The following UNC5B variants were observed in gnomAD, a reference collection of about 807,000 sequenced individuals.
The protein encoded by UNC5B is unc-5 netrin receptor B.
UNC5B carries 56 observed loss-of-function variants against 103.7 expected under a neutral mutation model. The observed-to-expected ratio is 0.54, with a 90% CI of 0.44 to 0.67. UNC5B has a LOEUF of 0.67. Ranked by LOEUF, UNC5B falls within the 30% of genes least tolerant of loss-of-function variation. UNC5B has a pLI of 0.00. For missense variants in UNC5B, 1,194 were observed against 1,284.5 expected (o/e 0.93, Z 1.08); for synonymous variants, 577 against 542.0 (o/e 1.06, Z -0.90).
chr10:71,234,849 A>G (rs1343923581), intron 1 of UNC5B, among the ~76,000 whole-genome samples: 1 of 152,106 alleles, frequency 6.6e-6, no homozygotes, highest in Non-Finnish European at 1.5e-5. Flanking sequence ...CCTCTGCTCT[A>G]TTTGCAGAGG....
intron 11 of UNC5B, 46 bp from the exon 12 acceptor site, chr10:71,293,359 T>C (rs1845315343): frequency 6.4e-6 from 10 of 1,563,360 alleles, no homozygotes; most frequent in African/African-American, 2.7e-5. Flanking sequence ...CCTGCACCTT[T>C]GCCGAGCTCT....
At chr10:71,288,489 C>T in intron 6 of UNC5B, 79 bp from the exon 7 acceptor site, 1 of 1,531,914 alleles carries the variant, frequency 6.5e-7, no homozygotes, top group Non-Finnish European at 8.8e-7. Flanking sequence ...TGTGTTGGCA[C>T]ATTGCTCTGT....
intron 1 of UNC5B, among the ~76,000 whole-genome samples, chr10:71,270,505 T>C (rs886849584): frequency 8.5e-5 from 13 of 152,084 alleles, no homozygotes; most frequent in African/African-American, 2.9e-4. Flanking sequence ...AGGGTTTCTC[T>C]CTTATGAGAT....
At chr10:71,223,665 C>T (rs1843494413) in intron 1 of UNC5B, among the ~76,000 whole-genome samples, 1 of 152,094 alleles carries the variant, frequency 6.6e-6, no homozygotes. Context: ...AAATTTTGTA[C>T]TTATCTGCAA....
At chr10:71,261,489 C>T (rs1844416183) in intron 1 of UNC5B, among the ~76,000 whole-genome samples, 1 of 152,218 alleles carries the variant, frequency 6.6e-6, no homozygotes, top group East Asian at 1.9e-4. Context: ...CAAATGCTGG[C>T]CCTGACTTCC....
intron 1 of UNC5B, among the ~76,000 whole-genome samples, chr10:71,228,656 A>G (rs1489863988): frequency 6.6e-6 from 1 of 152,274 alleles, no homozygotes; most frequent in African/African-American, 2.4e-5. Context: ...CAACTACAAG[A>G]TACCATTTCT....
rs556997701 is a variant in UNC5B at position 71,247,852 on chromosome 10, T to C, written c.80-31969T>C. Among the ~76,000 whole-genome samples the C allele has an allele frequency of 3.4e-4, 51 of 152,234 alleles. 1 individual carries two copies. In the South Asian group the frequency reaches 0.01, roughly 30 times the overall value. ...ATGTAGGACCCAAGTGAAGTAAGGCTCCCTAGTGATTTGGGGGTCTTACTT... is the reference window on the plus strand; with the variant it reads ...ATGTAGGACCCAAGTGAAGTAAGGCCCCCTAGTGATTTGGGGGTCTTACTT... On this transcript the variant is annotated intron_variant, in intron 1 of 16. Coordinates refer to ENST00000335350, the MANE Select transcript of UNC5B (RefSeq NM_170744.5).
intron 1 of UNC5B, among the ~76,000 whole-genome samples, chr10:71,250,565 T>G (rs7915759): frequency 0.4 from 61,123 of 152,026 alleles, 12,401 homozygotes; most frequent in East Asian, 0.55. Context: ...GAGGGTGACT[T>G]CCCAGGGTGT....
At chr10:71,214,026 G>A (rs1051609046) in intron 1 of UNC5B, among the ~76,000 whole-genome samples, 2 of 152,114 alleles carry the variant, frequency 1.3e-5, no homozygotes, top group African/African-American at 4.8e-5. Context: ...CGGGGAGGCT[G>A]TGGACTGAAT....
chr10:71,269,193 T>C (rs1301447662), intron 1 of UNC5B, among the ~76,000 whole-genome samples: 1 of 151,984 alleles, frequency 6.6e-6, no homozygotes, highest in Non-Finnish European at 1.5e-5. Flanking sequence ...AGGATCAACA[T>C]CCAGTGTAAC....
At chr10:71,290,540 G>A (rs1303915000) in intron 8 of UNC5B, among the ~76,000 whole-genome samples, 1 of 152,216 alleles carries the variant, frequency 6.6e-6, no homozygotes, top group Admixed American at 6.5e-5. Context: ...TTGGTCCTCT[G>A]GAAATTGCTA....
intron 1 of UNC5B, among the ~76,000 whole-genome samples, chr10:71,264,257 A>T (rs1844476545): frequency 6.6e-6 from 1 of 152,226 alleles, no homozygotes; most frequent in Non-Finnish European, 1.5e-5. Flanking sequence ...AATGTAGAAG[A>T]TATAGGTATT....
At chr10:71,245,360 G>A (rs71477530) in intron 1 of UNC5B, among the ~76,000 whole-genome samples, 10,241 of 152,182 alleles carry the variant, frequency 0.067, 378 homozygotes, top group East Asian at 0.14. Flanking sequence ...CGCGTTTACC[G>A]TGAGCCTAGC....
chr10:71,213,014 CGCT>C lies in UNC5B; in HGVS notation c.37_39del (p.Leu13del). 1.4e-6 allele frequency: 2 copies of C among 1,414,798 alleles called. No homozygotes were observed. Among genetic ancestry groups the C allele is most frequent in the Non-Finnish European group, 1.9e-6 (2 of 1,078,202 alleles). 87.6% of individuals were successfully genotyped at this position (1,414,798 alleles called of 1,614,324 possible). A position where few individuals can be genotyped will look rare whatever the true frequency, so the allele number is the denominator to read the frequency against. On this transcript the variant is annotated inframe_deletion, in exon 1 of 17. Transcript: ENST00000335350. The surrounding 1 kb of genome is among the most constrained non-coding windows in gnomAD (Gnocchi z 4.1). ...GGGGCCCGGAGCGGAGCTCGGGGCG[CGCT>C]GCTGCTGGCACTGCTGCTCTGCTGG...
intron 1 of UNC5B, among the ~76,000 whole-genome samples, chr10:71,215,003 C>A (rs1589143713): frequency 6.6e-6 from 1 of 152,286 alleles, no homozygotes; most frequent in African/African-American, 2.4e-5. Context: ...TGGAGAGGGG[C>A]CAACTGGTGG....
chr10:71,270,458 C>T (rs1844622915), intron 1 of UNC5B, among the ~76,000 whole-genome samples: 1 of 152,062 alleles, frequency 6.6e-6, no homozygotes, highest in South Asian at 2.1e-4. Context: ...TCCAGGGTCA[C>T]AGAGAAGCCG....
intron 1 of UNC5B, among the ~76,000 whole-genome samples, chr10:71,248,982 C>T (rs1844112811): frequency 6.6e-6 from 1 of 152,160 alleles, no homozygotes; most frequent in Non-Finnish European, 1.5e-5. Flanking sequence ...GCAGTATGTA[C>T]ACATATGCTT....
At chr10:71,287,085 C>T (rs1315894872) in intron 5 of UNC5B, among the ~76,000 whole-genome samples, 2 of 152,250 alleles carry the variant, frequency 1.3e-5, no homozygotes, top group Non-Finnish European at 2.9e-5. Flanking sequence ...CCTTGCCTAA[C>T]TCTGAAGGAG....
chr10:71,250,326 C>A (rs910799711), intron 1 of UNC5B, among the ~76,000 whole-genome samples: 8 of 152,358 alleles, frequency 5.3e-5, no homozygotes, highest in Middle Eastern at 3.4e-3. Context: ...GAGCTAGGCC[C>A]CTTCTGGAAG....
Sources: gnomAD v4.1 joint callset for allele counts (sites outside exome capture counted in the v4.1 genomes callset) on GRCh38, gnomAD v4.1.1 for gene constraint, Gnocchi (gnomAD v3.1) non-coding constraint, MANE v1.5 for transcripts, NCBI Gene and HGNC (gene_info 2026-07-23, HGNC 2026-07-21) for gene names.